PSEN2: variants seen among roughly 807,000 people sequenced by gnomAD.
PSEN2 encodes the protein presenilin-2.
A neutral mutation model predicts 49.1 loss-of-function variants in PSEN2; 32 were observed. That is an observed-to-expected ratio of 0.65 (90% confidence interval 0.49 to 0.88). The LOEUF (loss-of-function observed/expected upper bound fraction) is 0.88, where lower values mean the gene tolerates loss of function less well. Ranked by LOEUF, PSEN2 falls within the 40% of genes least tolerant of loss-of-function variation. PSEN2 has a pLI of 0.00. For synonymous variants in PSEN2, 255 were observed against 244.0 expected (o/e 1.05, Z -0.42); for missense variants, 522 against 586.9 (o/e 0.89, Z 1.14).
At chr1:226,885,352 G>A (rs111643955) in intron 5 of PSEN2, among the ~76,000 whole-genome samples, 186 bp from the exon 6 acceptor site, 2 of 152,250 alleles carry the variant, frequency 1.3e-5, no homozygotes, top group African/African-American at 4.8e-5. Context: ...CTGTGGTCAG[G>A]GTGCCAGGAA....
At chr1:226,878,034 G>A (rs1407290782) in intron 3 of PSEN2, among the ~76,000 whole-genome samples, 1 of 152,044 alleles carries the variant, frequency 6.6e-6, no homozygotes, top group African/African-American at 2.4e-5. Context: ...GGGAACCTCT[G>A]CTCACAGAAC....
chr1:226,885,492 G>C, intron 5 of PSEN2, 46 bp from the exon 6 acceptor site: 2 of 1,607,462 alleles, frequency 1.2e-6, no homozygotes, highest in Non-Finnish European at 1.7e-6. Flanking sequence ...GGAGCCTCGA[G>C]GAGCAGTCAG....
chr1:226,889,834 C>T (rs1184058926), intron 8 of PSEN2, among the ~76,000 whole-genome samples: 2 of 152,248 alleles, frequency 1.3e-5, no homozygotes, highest in Admixed American at 6.5e-5. Context: ...CTCCTCCATG[C>T]TTGCAGTTGC....
chr1:226,889,417 T>C (rs968559515), intron 8 of PSEN2, among the ~76,000 whole-genome samples: 3 of 152,124 alleles, frequency 2.0e-5, no homozygotes, highest in African/African-American at 7.2e-5. Flanking sequence ...GATAGGATTA[T>C]AGGCATGTGC....
At chr1:226,872,844 C>T (rs1025983957) in intron 2 of PSEN2, among the ~76,000 whole-genome samples, 1 of 152,074 alleles carries the variant, frequency 6.6e-6, no homozygotes, top group African/African-American at 2.4e-5. Context: ...GGGCTCCAAT[C>T]CTGGAGATGG....
chr1:226,903,323 C>T (rs1429332719), intron 12 of PSEN2, among the ~76,000 whole-genome samples: 1 of 152,186 alleles, frequency 6.6e-6, no homozygotes, highest in Non-Finnish European at 1.5e-5. Context: ...CTGCAAAGAG[C>T]CATCTTCCCA....
intron 10 of PSEN2, 28 bp from the exon 11 acceptor site, chr1:226,891,715 C>T (rs201663855): frequency 9.7e-5 from 152 of 1,561,378 alleles, no homozygotes; most frequent in South Asian, 3.3e-4. Flanking sequence ...ACGGTGATGA[C>T]GGACATCTTC....
At chr1:226,880,368 C>A in intron 3 of PSEN2, 1 of 574,512 alleles carries the variant, frequency 1.7e-6, no homozygotes, top group Non-Finnish European at 2.7e-6. Context: ...CCAGTGAGAC[C>A]CTGTCTCTAG....
intron 3 of PSEN2, among the ~76,000 whole-genome samples, chr1:226,876,042 C>T (rs546857990): frequency 5.3e-5 from 8 of 152,236 alleles, no homozygotes; most frequent in South Asian, 4.1e-4. Flanking sequence ...GGGTGGGAGA[C>T]GGGGAAAGCT....
Position 226,885,528 on chromosome 1 carries a change from T to C in PSEN2, c.357-10T>C. ...GGCCGGGAGCATCAGCCCTTTGCCT[T>C]CTCCCTCAGCATCTACACGCCATTC... On this transcript the variant is annotated splice_polypyrimidine_tract_variant and intron_variant, in intron 5 of 12. Transcript: ENST00000366783. 6.2e-7 allele frequency: 1 copy of C among 1,612,786 alleles called. No homozygotes were observed.
chr1:226,903,322 G>A (rs1297712250), intron 12 of PSEN2, among the ~76,000 whole-genome samples: 3 of 152,166 alleles, frequency 2.0e-5, no homozygotes, highest in Admixed American at 6.5e-5. Flanking sequence ...CCTGCAAAGA[G>A]CCATCTTCCC....
At chr1:226,892,508 AGCAGGGAGAT>A (rs1661829028) in intron 11 of PSEN2, among the ~76,000 whole-genome samples, 1 of 152,184 alleles carries the variant, frequency 6.6e-6, no homozygotes. Context: ...AGCACCCTGG[AGCAGGGAGAT>A]GCTGCACTGT....
chr1:226,891,642 G>T, intron 10 of PSEN2, 101 bp from the exon 11 acceptor site: 1 of 1,145,612 alleles, frequency 8.7e-7, no homozygotes, highest in African/African-American at 1.5e-5. Flanking sequence ...CCCCTTCTTG[G>T]AGCTTTGTTC....
At chr1:226,878,838 G>T (rs1349894502) in intron 3 of PSEN2, among the ~76,000 whole-genome samples, 1 of 152,180 alleles carries the variant, frequency 6.6e-6, no homozygotes, top group Non-Finnish European at 1.5e-5. Flanking sequence ...CACTGCTGCA[G>T]ATGGAATATT....
chr1:226,900,791 A>C (rs11802311), downstream of PSEN2, among the ~76,000 whole-genome samples: 27,187 of 152,086 alleles, frequency 0.18, 3,156 homozygotes, highest in Non-Finnish European at 0.26. Context: ...GCAACACTGG[A>C]CACCTTAGGA....
downstream of PSEN2, among the ~76,000 whole-genome samples, chr1:226,897,138 G>T (rs1269480779): frequency 6.6e-6 from 1 of 152,174 alleles, no homozygotes; most frequent in African/African-American, 2.4e-5. Flanking sequence ...AAGCCACAGC[G>T]GGGAGCGGGT....
chr1:226,888,717 C>T (rs1028616033), intron 7 of PSEN2, 112 bp from the exon 8 acceptor site: 23 of 916,326 alleles, frequency 2.5e-5, no homozygotes, highest in South Asian at 6.8e-5. Flanking sequence ...CAGTGAAGGT[C>T]GGGGAAGGAA....
chr1:226,879,829 A>G (rs1391786627), intron 3 of PSEN2, among the ~76,000 whole-genome samples: 1 of 152,080 alleles, frequency 6.6e-6, no homozygotes, highest in Non-Finnish European at 1.5e-5. Flanking sequence ...TTACTCCTGT[A>G]CTTGTCTCAT....
rs889148087 is a variant in PSEN2, at chr1:226,874,220, C to T, written c.-206-1145C>T. ...CCTGTGTAGTGTGTGGTGGGCCTGC[C>T]TGTGTGACCAAACCCTGGCCACTGG... On this transcript the variant is annotated intron_variant, in intron 2 of 12. Transcript: ENST00000366783. Among the ~76,000 whole-genome samples the T allele has an allele frequency of 2.0e-5, 3 of 152,026 alleles. No homozygotes were observed. In the East Asian group the frequency reaches 5.8e-4, roughly 29 times the overall value.
Sources: allele counts gnomAD v4.1 joint callset (sites outside exome capture counted in the v4.1 genomes callset), GRCh38; gene constraint gnomAD v4.1.1; transcripts MANE v1.5; gene names NCBI Gene and HGNC (gene_info 2026-07-23, HGNC 2026-07-21).